NRG3: variants seen among roughly 807,000 people sequenced by gnomAD.
The protein encoded by NRG3 is neuregulin 3.
In NRG3, 31 loss-of-function variants were observed where a neutral mutation model predicts 66.9. The observed-to-expected ratio is 0.46, with a 90% CI of 0.35 to 0.63. The LOEUF is 0.63. Among genes scored for constraint, NRG3 ranks in the 20% least tolerant of loss-of-function variants. The pLI is 0.00. For synonymous variants in NRG3, 393 were observed against 359.4 expected, an observed-to-expected ratio of 1.09 and a Z score of -1.06; for missense variants, 910 against 878.9, an observed-to-expected ratio of 1.04 and a Z score of -0.45.
intron 1 of NRG3, among the ~76,000 whole-genome samples, chr10:82,231,606 T>C (rs2076467312): frequency 1.3e-5 from 2 of 152,142 alleles, no homozygotes; most frequent in Non-Finnish European, 2.9e-5. Flanking sequence ...CCACAAGAAA[T>C]CAATAGGAAT....
intron 1 of NRG3, among the ~76,000 whole-genome samples, chr10:81,990,516 A>G (rs1312121368): frequency 6.6e-6 from 1 of 152,158 alleles, no homozygotes; most frequent in African/African-American, 2.4e-5. Context: ...CACTGTTTTA[A>G]TCTTATTTTC....
At chr10:82,498,458 A>G (rs1843826088) in intron 2 of NRG3, among the ~76,000 whole-genome samples, 1 of 152,110 alleles carries the variant, frequency 6.6e-6, no homozygotes, top group African/African-American at 2.4e-5. Context: ...TTTAAACATC[A>G]CTGCTTGTCT....
chr10:82,283,394 G>A (rs1371419464), intron 1 of NRG3, among the ~76,000 whole-genome samples: 1 of 152,116 alleles, frequency 6.6e-6, no homozygotes, highest in Non-Finnish European at 1.5e-5. Flanking sequence ...TGATGCTCTG[G>A]CAGTACACAG....
chr10:82,692,591 A>G (rs947727163), intron 2 of NRG3, among the ~76,000 whole-genome samples: 1 of 152,182 alleles, frequency 6.6e-6, no homozygotes, highest in African/African-American at 2.4e-5. Flanking sequence ...TACCAGGGCC[A>G]CCACACAGGA....
chr10:82,793,918 A>G (rs1386810605), intron 3 of NRG3, among the ~76,000 whole-genome samples: 1 of 152,190 alleles, frequency 6.6e-6, no homozygotes, highest in African/African-American at 2.4e-5. Flanking sequence ...ATTTTATATT[A>G]AAGTATAATA....
At chr10:82,088,353 A>G (rs756015842) in intron 1 of NRG3, among the ~76,000 whole-genome samples, 2 of 152,106 alleles carry the variant, frequency 1.3e-5, no homozygotes, top group Middle Eastern at 3.2e-3. Flanking sequence ...TCTTTGGTAC[A>G]AGAGTACAAT....
chr10:82,826,410 G>T (rs1223613587), intron 3 of NRG3, among the ~76,000 whole-genome samples: 1 of 152,196 alleles, frequency 6.6e-6, no homozygotes, highest in Non-Finnish European at 1.5e-5. Flanking sequence ...GTAAGTTTCT[G>T]TTAAGACATT....
intron 2 of NRG3, among the ~76,000 whole-genome samples, chr10:82,499,360 G>A (rs1356409889): frequency 2.0e-5 from 3 of 152,132 alleles, no homozygotes; most frequent in Non-Finnish European, 4.4e-5. Flanking sequence ...TACTATGAAT[G>A]CCTACCAAAG....
chr10:81,981,961 A>T (rs1454549442), intron 1 of NRG3, among the ~76,000 whole-genome samples: 3 of 152,150 alleles, frequency 2.0e-5, no homozygotes, highest in Non-Finnish European at 4.4e-5. Context: ...TTCTTTATGG[A>T]GTAATTGTCC....
intron 2 of NRG3, among the ~76,000 whole-genome samples, chr10:82,416,439 A>G (rs2088580542): frequency 6.6e-6 from 1 of 152,198 alleles, no homozygotes; most frequent in South Asian, 2.1e-4. Context: ...GCTGGAAGAC[A>G]TGTAAGTTCA....
intron 3 of NRG3, among the ~76,000 whole-genome samples, chr10:82,857,240 C>T (rs2063857980): frequency 6.6e-6 from 1 of 152,092 alleles, no homozygotes; most frequent in Non-Finnish European, 1.5e-5. Context: ...CCTGCTTCTC[C>T]CCATCCTTTG....
chr10:82,319,575 A>G (rs936008155), intron 1 of NRG3, among the ~76,000 whole-genome samples: 1 of 152,142 alleles, frequency 6.6e-6, no homozygotes, highest in East Asian at 1.9e-4. Context: ...TAACCAGATT[A>G]CCATGGGCTC....
At chr10:82,842,692 T>C (rs1240262938) in intron 3 of NRG3, among the ~76,000 whole-genome samples, 1 of 152,192 alleles carries the variant, frequency 6.6e-6, no homozygotes, top group East Asian at 1.9e-4. Flanking sequence ...CCTGAAACCA[T>C]GGATATTACT....
chr10:82,122,723 A>G (rs572748043), intron 1 of NRG3, among the ~76,000 whole-genome samples: 1 of 152,270 alleles, frequency 6.6e-6, no homozygotes, highest in East Asian at 1.9e-4. Flanking sequence ...TCTCCAGTGT[A>G]TAGGATTATT....
intron 2 of NRG3, among the ~76,000 whole-genome samples, chr10:82,540,091 A>G (rs1192077666): frequency 1.3e-5 from 2 of 151,250 alleles, no homozygotes; most frequent in African/African-American, 2.4e-5. Context: ...CCTTATTTTG[A>G]ACTTGGCAGT....
At chr10:82,517,702 T>C (rs1845821088) in intron 2 of NRG3, among the ~76,000 whole-genome samples, 1 of 151,396 alleles carries the variant, frequency 6.6e-6, no homozygotes, top group South Asian at 2.1e-4. Flanking sequence ...TGTGTCTGTA[T>C]GTTTCTGTCT....
In NRG3 at chr10:82,370,396, C is replaced by T. The variant is rs1191102164; in HGVS notation, c.953+11528C>T. 1.4e-5 allele frequency among the ~76,000 whole-genome samples: 2 copies of T among 138,452 alleles called. 1 individual carries two copies. Among genetic ancestry groups the T allele is most frequent in the Admixed American group, 1.4e-4 (2 of 14,692 alleles). 90.8% of individuals were successfully genotyped at this position (138,452 alleles called of 152,430 possible). ...AGCATCCAGACATCCCTCCTCTTCT[C>T]TTTCTCTGCCGCGTCGTTCTGCCAT... On this transcript the variant is annotated intron_variant, in intron 2 of 8. Coordinates refer to ENST00000372141, the MANE Select transcript of NRG3 (RefSeq NM_001010848.4).
In NRG3 at chr10:82,951,588, C is replaced by T; in HGVS notation, c.1157+17C>T. 1 of 1,601,124 alleles carries T rather than the reference C, an allele frequency of 6.2e-7. No individual in the cohort carries two copies. The highest frequency in any genetic ancestry group is 8.6e-7 in the Non-Finnish European group (1 of 1,168,660). ...CAAAAGCAAGTAAGACTATTTCTCT[C>T]AAGTGTTTAAAGGTTACTTTTAGAG... is the stretch of plus-strand genomic sequence containing the variant. On this transcript the variant is annotated intron_variant, in intron 5 of 8. Coordinates refer to ENST00000372141, the MANE Select transcript of NRG3 (RefSeq NM_001010848.4).
chr10:82,957,889 T>TGAGC (rs1850220261), intron 5 of NRG3, among the ~76,000 whole-genome samples: 2 of 71,922 alleles, frequency 2.8e-5, no homozygotes, highest in Admixed American at 4.1e-4. Context: ...TGCAAAGAGG[T>TGAGC]GTGCGTGTGT....
Sources: allele counts gnomAD v4.1 joint callset (sites outside exome capture counted in the v4.1 genomes callset), GRCh38; gene constraint gnomAD v4.1.1; transcripts MANE v1.5; gene names NCBI Gene and HGNC (gene_info 2026-07-23, HGNC 2026-07-21).